The following KCNC2 variants were observed in gnomAD, a reference collection of about 807,000 sequenced individuals.
KCNC2 encodes the protein potassium voltage-gated channel subfamily C member 2.
A neutral mutation model predicts 44.5 loss-of-function variants in KCNC2; 21 were observed. The ratio of observed to expected loss-of-function variants is 0.47; its 90% CI spans 0.33 to 0.68. KCNC2 has a LOEUF of 0.68. Ranked by LOEUF, KCNC2 falls within the 30% of genes least tolerant of loss-of-function variation. KCNC2 has a pLI of 0.01. For missense variants in KCNC2, 589 were observed against 826.2 expected, an observed-to-expected ratio of 0.71 and a Z score of 3.52; for synonymous variants, 391 against 339.1, an observed-to-expected ratio of 1.15 and a Z score of -1.68.
chr12:75,161,956 T>C (rs1179097458), intron 2 of KCNC2, among the ~76,000 whole-genome samples: 1 of 151,810 alleles, frequency 6.6e-6, no homozygotes, highest in East Asian at 1.9e-4. Context: ...CCTTCAAGGT[T>C]GTGAATTCTG....
At chr12:75,043,584 AT>A in intron 4 of KCNC2, 2 of 1,229,248 alleles carry the variant, frequency 1.6e-6, no homozygotes, top group Non-Finnish European at 1.0e-6. Flanking sequence ...CTTGACTAAT[AT>A]TTTTAAATTT....
chr12:75,204,551 T>C (rs556562488), intron 2 of KCNC2, among the ~76,000 whole-genome samples: 30 of 152,222 alleles, frequency 2.0e-4, no homozygotes, highest in Admixed American at 2.6e-4. Flanking sequence ...GATGAGCTAA[T>C]GTTAAAAAAT....
At chr12:75,112,119 TTATC>T (rs1405573270) in intron 2 of KCNC2, among the ~76,000 whole-genome samples, 3 of 151,930 alleles carry the variant, frequency 2.0e-5, no homozygotes, top group South Asian at 4.1e-4. Context: ...TAACTATAAT[TTATC>T]TATCACTTTA....
chr12:75,114,494 T>C lies in KCNC2; in HGVS notation c.688-63177A>G, dbSNP rs1887496227. Among the ~76,000 whole-genome samples the C allele has an allele frequency of 4.6e-5, 7 of 152,206 alleles. No homozygotes were observed. In the South Asian group the frequency reaches 1.4e-3, roughly 32 times the overall value. ...CAAAATGGACTACGTCTTGGCCTCCTTTAAGTCTTGGCCCCCTGAGCCTGT... is the reference window on the plus strand; with the variant it reads ...CAAAATGGACTACGTCTTGGCCTCCCTTAAGTCTTGGCCCCCTGAGCCTGT... On this transcript the variant is annotated intron_variant, in intron 2 of 4. Coordinates refer to ENST00000549446, the MANE Select transcript of KCNC2 (RefSeq NM_139137.4).
chr12:75,041,638 G>A lies in KCNC2; in HGVS notation c.*1467C>T, dbSNP rs1879915848. ...AAATAGACTTTCTTCCACTCAGACT[G>A]AATATGACTCCCTAAGGATTTTGTT... On this transcript the variant is annotated 3_prime_UTR_variant, in exon 5 of 5. Coordinates refer to ENST00000549446, the MANE Select transcript of KCNC2 (RefSeq NM_139137.4). The A allele has an allele frequency of 2.0e-6, 2 of 1,012,124 alleles. No homozygotes were observed. The highest frequency in any genetic ancestry group is 2.4e-6 in the Non-Finnish European group (2 of 845,140). The allele number at this position is 1,012,124 out of a possible 1,614,324, so 62.7% of individuals were successfully genotyped here. A position where few individuals can be genotyped will look rare whatever the true frequency, so the allele number is the denominator to read the frequency against.
chr12:75,116,877 G>T (rs1258539799), intron 2 of KCNC2, among the ~76,000 whole-genome samples: 1 of 152,134 alleles, frequency 6.6e-6, no homozygotes, highest in African/African-American at 2.4e-5. Flanking sequence ...TGCCTCCAAA[G>T]AAAACAGCTT....
At position 75,207,909 on chromosome 12, in the gene KCNC2, G is replaced by T. The variant is rs200343223; in HGVS notation, c.75C>A (p.Thr25=). The T allele has an allele frequency of 8.1e-6, 13 of 1,612,728 alleles. No homozygotes were observed. The highest frequency in any genetic ancestry group is 1.3e-5 in the African/African-American group (1 of 74,892). Residue 25 remains threonine (T), a synonymous_variant, in exon 2 of 5, where the codon ACC becomes ACA. Transcript: ENST00000549446. The surrounding 1 kb of genome is among the most constrained non-coding windows in gnomAD (Gnocchi z 4.1). ...GGCGTGTTCCAGGCAGGGTCTTGAG[G>T]GTGCTGCGGTAGGTTTCGTGCCGGG... The part of the protein sequence containing the change: ...GGTRHETYRS[T]LKTLPGTRLA...
intron 2 of KCNC2, among the ~76,000 whole-genome samples, chr12:75,052,254 C>G (rs1428679196): frequency 6.6e-6 from 1 of 152,050 alleles, no homozygotes; most frequent in African/African-American, 2.4e-5. Flanking sequence ...AAAGTTTAAG[C>G]TACTTTTCCA....
chr12:75,159,361 G>C (rs1012813871), intron 2 of KCNC2, among the ~76,000 whole-genome samples: 1 of 150,210 alleles, frequency 6.7e-6, no homozygotes, highest in Admixed American at 6.6e-5. Context: ...TTCAGTTTTT[G>C]CTGCTCCCCC....
At chr12:75,200,919 C>T (rs1426344120) in intron 2 of KCNC2, among the ~76,000 whole-genome samples, 1 of 151,586 alleles carries the variant, frequency 6.6e-6, no homozygotes, top group Non-Finnish European at 1.5e-5. Context: ...ATAAGACTGT[C>T]CCTTTTATAT....
At chr12:75,111,964 G>T (rs1887286483) in intron 2 of KCNC2, among the ~76,000 whole-genome samples, 1 of 151,048 alleles carries the variant, frequency 6.6e-6, no homozygotes, top group South Asian at 2.1e-4. Flanking sequence ...AAAAAATGAA[G>T]AAAACTCAAT....
intron 2 of KCNC2, among the ~76,000 whole-genome samples, chr12:75,073,575 T>G (rs1883625872): frequency 6.6e-6 from 1 of 152,198 alleles, no homozygotes; most frequent in African/African-American, 2.4e-5. Flanking sequence ...TTTTCTTGCT[T>G]AAAATATTCT....
chr12:75,194,259 T>C (rs1363415842), intron 2 of KCNC2, among the ~76,000 whole-genome samples: 3 of 151,994 alleles, frequency 2.0e-5, no homozygotes, highest in African/African-American at 7.2e-5. Flanking sequence ...ATTGTCCTGA[T>C]AAGAAGAGAA....
chr12:75,114,404 C>A lies in KCNC2; in HGVS notation c.688-63087G>T, dbSNP rs77684710. Among the ~76,000 whole-genome samples the A allele has an allele frequency of 3.0e-3, 458 of 152,226 alleles. 3 individuals are homozygous for A. The highest frequency in any genetic ancestry group is 0.011 in the African/African-American group (442 of 41,536). On this transcript the variant is annotated intron_variant, in intron 2 of 4. Coordinates refer to ENST00000549446, the MANE Select transcript of KCNC2 (RefSeq NM_139137.4). ...TTGCAGGCATTATTCATTTACTTGACAAATATATATGTAACATCTAATAAA... is the reference window on the plus strand; with the variant it reads ...TTGCAGGCATTATTCATTTACTTGAAAAATATATATGTAACATCTAATAAA...
At chr12:75,080,322 G>T (rs1884377202) in intron 2 of KCNC2, among the ~76,000 whole-genome samples, 2 of 151,748 alleles carry the variant, frequency 1.3e-5, no homozygotes, top group South Asian at 4.1e-4. Flanking sequence ...AAACTGTTTT[G>T]TTTTAAATAT....
At chr12:75,159,528 G>A (rs886563321) in intron 2 of KCNC2, among the ~76,000 whole-genome samples, 26 of 151,766 alleles carry the variant, frequency 1.7e-4, no homozygotes, top group African/African-American at 6.0e-4. Flanking sequence ...TCAGTGTGGG[G>A]GAAATGCAGT....
chr12:75,177,473 G>A (rs1220859615), intron 2 of KCNC2, among the ~76,000 whole-genome samples: 2 of 151,950 alleles, frequency 1.3e-5, no homozygotes, highest in African/African-American at 2.4e-5. Flanking sequence ...ACTCAAAGTA[G>A]GTTAAAATAT....
At chr12:75,196,078 A>G (rs778323744) in intron 2 of KCNC2, among the ~76,000 whole-genome samples, 15 of 152,074 alleles carry the variant, frequency 9.9e-5, no homozygotes, top group African/African-American at 1.9e-4. Flanking sequence ...CATTTTTCCA[A>G]TGCTAGCAAA....
intron 2 of KCNC2, among the ~76,000 whole-genome samples, chr12:75,086,305 G>A (rs924666397): frequency 6.6e-6 from 1 of 151,964 alleles, no homozygotes; most frequent in Non-Finnish European, 1.5e-5. Context: ...AACCACAAAT[G>A]GTTCCTGGCT....
Sources: gnomAD v4.1 joint callset for allele counts (sites outside exome capture counted in the v4.1 genomes callset) on GRCh38, gnomAD v4.1.1 for gene constraint, Gnocchi (gnomAD v3.1) non-coding constraint, MANE v1.5 for transcripts, NCBI Gene and HGNC (gene_info 2026-07-23, HGNC 2026-07-21) for gene names.